SSBP3: variants seen among roughly 807,000 people sequenced by gnomAD.
SSBP3 encodes the protein single-stranded DNA-binding protein 3.
A neutral mutation model predicts 69.6 loss-of-function variants in SSBP3; 5 were observed. The ratio of observed to expected loss-of-function variants is 0.07; its 90% CI spans 0.04 to 0.15. SSBP3 has a LOEUF of 0.15. Ranked by LOEUF, SSBP3 falls within the 10% of genes least tolerant of loss-of-function variation. The pLI, the probability that SSBP3 is intolerant of heterozygous loss-of-function variation, is 1.00. For synonymous variants in SSBP3, 196 were observed against 193.4 expected, an observed-to-expected ratio of 1.01 and a Z score of -0.11; for missense variants, 312 against 534.0, an observed-to-expected ratio of 0.58 and a Z score of 4.10.
chr1:54,319,084 G>A (rs1207879212), intron 4 of SSBP3, among the ~76,000 whole-genome samples: 1 of 152,140 alleles, frequency 6.6e-6, no homozygotes, highest in Non-Finnish European at 1.5e-5. Flanking sequence ...GGAGTAGAAG[G>A]GCAAAGAACC....
chr1:54,312,095 C>CT (rs1569754889), intron 4 of SSBP3, among the ~76,000 whole-genome samples: 1 of 152,202 alleles, frequency 6.6e-6, no homozygotes, highest in Non-Finnish European at 1.5e-5. Flanking sequence ...CCAAAGAGGG[C>CT]TTCCCTTCTC....
intron 4 of SSBP3, among the ~76,000 whole-genome samples, chr1:54,335,584 A>G (rs1045604007): frequency 6.6e-6 from 1 of 152,202 alleles, no homozygotes; most frequent in Non-Finnish European, 1.5e-5. Flanking sequence ...ACAGGCTGCC[A>G]TGGGCCCCAG....
At chr1:54,408,586 C>T (rs1454908025), upstream of SSBP3, among the ~76,000 whole-genome samples, 1 of 152,192 alleles carries the variant, frequency 6.6e-6, no homozygotes, top group Non-Finnish European at 1.5e-5. Flanking sequence ...ACCAGATTGG[C>T]CATGCCCTTA....
chr1:54,243,005 G>C (rs1173643043), intron 10 of SSBP3: 1 of 531,168 alleles, frequency 1.9e-6, no homozygotes, highest in Non-Finnish European at 3.3e-6. Context: ...TCATGAAGAT[G>C]AGGTGAGCTG....
intron 4 of SSBP3, among the ~76,000 whole-genome samples, chr1:54,290,397 A>G (rs1359102062): frequency 6.6e-6 from 1 of 152,208 alleles, no homozygotes; most frequent in Non-Finnish European, 1.5e-5. Context: ...GCTCCAGGTA[A>G]AGGACCACGT....
At chr1:54,403,411 G>C (rs555149940) in intron 3 of SSBP3, among the ~76,000 whole-genome samples, 2 of 152,144 alleles carry the variant, frequency 1.3e-5, no homozygotes, top group East Asian at 3.9e-4. Flanking sequence ...ATAAACCTAA[G>C]TTTCTACAAG....
chr1:54,371,637 G>C (rs372940983), intron 4 of SSBP3, among the ~76,000 whole-genome samples: 79 of 152,254 alleles, frequency 5.2e-4, no homozygotes, highest in South Asian at 3.9e-3. Context: ...ACTGATGAGA[G>C]GACCATCAGT....
intron 15 of SSBP3, 29 bp downstream of exon 15, chr1:54,228,718 TG>T (rs1390197437): frequency 3.2e-6 from 5 of 1,562,184 alleles, no homozygotes; most frequent in Non-Finnish European, 4.3e-6. Context: ...CCAGGCAGGG[TG>T]GGGCATGGCG....
chr1:54,324,492 C>T (rs1308407213), intron 4 of SSBP3, among the ~76,000 whole-genome samples: 1 of 152,022 alleles, frequency 6.6e-6, no homozygotes, highest in Non-Finnish European at 1.5e-5. Flanking sequence ...TACAGCAGCC[C>T]CTTAAGACTG....
chr1:54,381,608 G>A (rs547645162), intron 4 of SSBP3, among the ~76,000 whole-genome samples: 10 of 152,204 alleles, frequency 6.6e-5, no homozygotes, highest in African/African-American at 9.6e-5. Context: ...ACCTCGGTGG[G>A]GCACCTTGCC....
At chr1:54,357,322 C>A (rs1183925314) in intron 4 of SSBP3, among the ~76,000 whole-genome samples, 2 of 152,118 alleles carry the variant, frequency 1.3e-5, no homozygotes, top group African/African-American at 4.8e-5. Flanking sequence ...CAGATCCACA[C>A]CCCCACTCCT....
At chr1:54,362,253 C>A (rs536813142) in intron 4 of SSBP3, among the ~76,000 whole-genome samples, 1 of 152,356 alleles carries the variant, frequency 6.6e-6, no homozygotes, top group Admixed American at 6.5e-5. Flanking sequence ...CTCAGTAACC[C>A]TGCCAGCAGT....
At chr1:54,294,142 CAAAAAAA>C (rs1223376233) in intron 4 of SSBP3, among the ~76,000 whole-genome samples, 15 of 41,550 alleles carry the variant, frequency 3.6e-4, no homozygotes, top group African/African-American at 1.3e-3. Flanking sequence ...GACTCCATCT[CAAAAAAA>C]AAAAAAAAAA....
chr1:54,268,271 T>C (rs1297537752), intron 5 of SSBP3, among the ~76,000 whole-genome samples: 1 of 152,242 alleles, frequency 6.6e-6, no homozygotes, highest in Non-Finnish European at 1.5e-5. Flanking sequence ...AAATGGATAG[T>C]GCTGCAAAGA....
chr1:54,279,285 A>G (rs1038240730), intron 5 of SSBP3, among the ~76,000 whole-genome samples: 1 of 152,206 alleles, frequency 6.6e-6, no homozygotes, highest in African/African-American at 2.4e-5. Context: ...TAATGGCTAA[A>G]TAAGGACAGG....
At chr1:54,290,406 G>A (rs749443055) in intron 4 of SSBP3, among the ~76,000 whole-genome samples, 12 of 152,358 alleles carry the variant, frequency 7.9e-5, no homozygotes, top group African/African-American at 2.2e-4. Flanking sequence ...AAAGGACCAC[G>A]TGCTGACGTC....
intron 4 of SSBP3, among the ~76,000 whole-genome samples, chr1:54,339,043 T>C (rs1646560730): frequency 6.6e-6 from 1 of 152,200 alleles, no homozygotes; most frequent in Admixed American, 6.5e-5. Flanking sequence ...AGTGCTTTCA[T>C]GGGCCTTCTC....
intron 4 of SSBP3, among the ~76,000 whole-genome samples, chr1:54,357,478 AAG>A (rs1401101280): frequency 2.0e-5 from 3 of 152,100 alleles, no homozygotes; most frequent in African/African-American, 4.8e-5. Context: ...TTGTGAAGAA[AAG>A]AGAGAAAATT....
intron 4 of SSBP3, among the ~76,000 whole-genome samples, chr1:54,369,104 C>T (rs372277463): frequency 1.2e-4 from 18 of 151,716 alleles, no homozygotes; most frequent in South Asian, 6.2e-4. Flanking sequence ...TCTGCTAAAA[C>T]GAAAAAAAGT....
Sources: gnomAD v4.1 joint callset for allele counts (sites outside exome capture counted in the v4.1 genomes callset) on GRCh38, gnomAD v4.1.1 for gene constraint, MANE v1.5 for transcripts, NCBI Gene and HGNC (gene_info 2026-07-23, HGNC 2026-07-21) for gene names.